The following PCDH15 variants were observed in gnomAD, a reference collection of about 807,000 sequenced individuals.
The protein encoded by PCDH15 is protocadherin related 15.
A neutral mutation model predicts 178.5 loss-of-function variants in PCDH15; 129 were observed. That is an observed-to-expected ratio of 0.72 (90% CI 0.63 to 0.84). PCDH15 has a LOEUF of 0.84. Among genes scored for constraint, PCDH15 ranks in the 40% least tolerant of loss-of-function variants. The pLI is 0.00. For missense variants in PCDH15, 2,230 were observed against 2,099.9 expected (o/e 1.06, Z -1.21); for synonymous variants, 800 against 732.0 (o/e 1.09, Z -1.50).
intron 1 of PCDH15, among the ~76,000 whole-genome samples, chr10:54,748,500 T>G (rs1945769801): frequency 6.6e-6 from 1 of 152,174 alleles, no homozygotes; most frequent in Non-Finnish European, 1.5e-5. Context: ...CTCAGAGAGA[T>G]AACTGTCCAT....
At chr10:54,813,168 T>C (rs1477904365) in intron 3 of PCDH15, among the ~76,000 whole-genome samples, 1 of 152,168 alleles carries the variant, frequency 6.6e-6, no homozygotes, top group African/African-American at 2.4e-5. Flanking sequence ...CCCTTTTCTA[T>C]CTTTTCTCAA....
At chr10:55,618,758 T>G (rs1291205267) in intron 2 of PCDH15, among the ~76,000 whole-genome samples, 1 of 151,962 alleles carries the variant, frequency 6.6e-6, no homozygotes, top group Non-Finnish European at 1.5e-5. Flanking sequence ...GAAGCCCAAT[T>G]ACTGACCTTG....
At position 54,169,256 on chromosome 10, in the gene PCDH15, C is replaced by G. The variant is rs548394164; in HGVS notation, c.1590+14188G>C. ...ACTGCTTGATCGCCTCGGAAGCCCC[C>G]TAGACAATCACGGACGCCGAGCTTC... On this transcript the variant is annotated intron_variant, in intron 13 of 37. Transcript: ENST00000644397. Among the ~76,000 whole-genome samples the G allele has an allele frequency of 8.7e-4, 52 of 59,806 alleles. 21 individuals are homozygous for G. The highest frequency in any genetic ancestry group is 4.5e-3 in the African/African-American group (50 of 11,218). 39.2% of individuals were successfully genotyped at this position (59,806 alleles called of 152,430 possible).
At chr10:54,790,345 TATATATATACCTATATATGTAAAAA>T (rs1591645305) in intron 1 of PCDH15, among the ~76,000 whole-genome samples, 2 of 151,252 alleles carry the variant, frequency 1.3e-5, no homozygotes, top group East Asian at 3.9e-4. Context: ...TATTTACATA[TATATATATACCTATATATGTAAAAA>T]ATATATATAT....
At position 55,601,083 on chromosome 10, in the gene PCDH15, T is replaced by G. The variant is rs77417650; in HGVS notation, c.-156+26542A>C. On this transcript the variant is annotated intron_variant, in intron 2 of 5. Transcript: ENST00000613346. ...ACATTCAATAAATGATCTAGGAGCT[T>G]TTACAATGCTCCATGTACAAGAACC... Among the ~76,000 whole-genome samples the G allele has an allele frequency of 9.1e-3, 1,379 of 152,154 alleles. 33 individuals carry two copies. Among genetic ancestry groups the G allele is most frequent in the African/African-American group, 0.032 (1,318 of 41,504 alleles).
At chr10:54,941,297 TA>T (rs1838055980) in intron 2 of PCDH15, among the ~76,000 whole-genome samples, 1 of 152,084 alleles carries the variant, frequency 6.6e-6, no homozygotes, top group Non-Finnish European at 1.5e-5. Flanking sequence ...ATTCCCTTTC[TA>T]CCCCTCTTTT....
intron 2 of PCDH15, among the ~76,000 whole-genome samples, chr10:55,437,832 C>CT (rs778307616): frequency 0.25 from 21,703 of 85,292 alleles, 3,287 homozygotes; most frequent in African/African-American, 0.4. Flanking sequence ...TATTGCTTTT[C>CT]TTTTTTTTTT....
At position 53,996,133 on chromosome 10, in the gene PCDH15, G is replaced by A. The variant is rs138664874; in HGVS notation, c.2752-368C>T. Among the ~76,000 whole-genome samples, 19 of 152,166 alleles carry A rather than the reference G, an allele frequency of 1.2e-4. No individual in the cohort carries two copies. In the East Asian group the frequency reaches 3.7e-3, roughly 29 times the overall value. ...TTTAAAAGCTACATTCTGTGAAGCAGGCGTAAAAGATTTTTTTTAAATGCT... is the reference window on the plus strand; with the variant it reads ...TTTAAAAGCTACATTCTGTGAAGCAAGCGTAAAAGATTTTTTTTAAATGCT... On this transcript the variant is annotated intron_variant, in intron 20 of 37. Coordinates refer to ENST00000644397, the MANE Select transcript of PCDH15 (RefSeq NM_001384140.1).
chr10:54,389,189 A>C (rs1004485068), intron 3 of PCDH15, among the ~76,000 whole-genome samples: 1 of 152,136 alleles, frequency 6.6e-6, no homozygotes, highest in Non-Finnish European at 1.5e-5. Context: ...AGGGCTCTTC[A>C]AGGAAGCCAG....
intron 2 of PCDH15, among the ~76,000 whole-genome samples, chr10:55,479,305 G>A (rs749479162): frequency 4.2e-4 from 63 of 151,402 alleles, no homozygotes; most frequent in Admixed American, 4.6e-4. Flanking sequence ...TATCAGGTGG[G>A]GTTTATCCCA....
chr10:54,132,587 T>C (rs1226783827), intron 15 of PCDH15, among the ~76,000 whole-genome samples: 2 of 152,274 alleles, frequency 1.3e-5, no homozygotes, highest in East Asian at 3.9e-4. Flanking sequence ...TATAAAATAT[T>C]CAAGTATGTG....
In PCDH15 at chr10:55,614,200, A is replaced by G. The variant is rs1411674484; in HGVS notation, c.-156+13425T>C. 2.6e-5 allele frequency among the ~76,000 whole-genome samples: 4 copies of G among 152,142 alleles called. No individual in the cohort carries two copies. The East Asian group carries it at 7.7e-4, about 29-fold the overall frequency. ...TTTAGGTTTGAAAAGTGAGATATAT[A>G]TCACTTAACAGTCAGGAAGCGTGTA... On this transcript the variant is annotated intron_variant, in intron 2 of 5. Transcript: ENST00000613346.
chr10:55,521,555 A>G (rs143178594), intron 2 of PCDH15, among the ~76,000 whole-genome samples: 2 of 152,014 alleles, frequency 1.3e-5, no homozygotes, highest in African/African-American at 2.4e-5. Flanking sequence ...TGAAAAATTC[A>G]TAAGTAAAAC....
intron 2 of PCDH15, among the ~76,000 whole-genome samples, chr10:55,527,732 G>C (rs1362856615): frequency 6.6e-6 from 1 of 151,884 alleles, no homozygotes; most frequent in Non-Finnish European, 1.5e-5. Context: ...TTTTATGTAT[G>C]ACTTAAATTT....
intron 2 of PCDH15, among the ~76,000 whole-genome samples, chr10:55,385,748 C>A (rs1483849018): frequency 1.5e-5 from 2 of 131,790 alleles, no homozygotes; most frequent in Non-Finnish European, 3.2e-5. Context: ...TATAGATATG[C>A]ATATATATGT....
intron 3 of PCDH15, among the ~76,000 whole-genome samples, chr10:54,440,385 A>G (rs2075725625): frequency 6.6e-6 from 1 of 152,026 alleles, no homozygotes; most frequent in African/African-American, 2.4e-5. Context: ...AATCTTTATT[A>G]TGCTATTTGC....
intron 13 of PCDH15, among the ~76,000 whole-genome samples, chr10:54,159,988 A>C (rs1323038397): frequency 6.6e-6 from 1 of 152,152 alleles, no homozygotes; most frequent in Non-Finnish European, 1.5e-5. Context: ...ATTTTAACTT[A>C]AAGGAAGCAC....
chr10:54,598,990 T>A (rs4935524), intron 2 of PCDH15, among the ~76,000 whole-genome samples: 140,295 of 151,894 alleles, frequency 0.92, 65,172 homozygotes, highest in Middle Eastern at 0.98. Flanking sequence ...GAAATAAATT[T>A]AAAAAAAAAT....
chr10:54,427,755 C>T (rs1212812346), intron 3 of PCDH15, among the ~76,000 whole-genome samples: 1 of 152,126 alleles, frequency 6.6e-6, no homozygotes, highest in African/African-American at 2.4e-5. Context: ...AGTAGACCAA[C>T]TGTGTAAAGG....
Sources: allele counts gnomAD v4.1 joint callset (sites outside exome capture counted in the v4.1 genomes callset), GRCh38; gene constraint gnomAD v4.1.1; transcripts MANE v1.5; gene names NCBI Gene and HGNC (gene_info 2026-07-23, HGNC 2026-07-21).